KATNBL1: variants seen among roughly 807,000 people sequenced by gnomAD.
KATNBL1 encodes KATNB1-like protein 1.
Under a neutral mutation model 44.7 loss-of-function variants are expected in KATNBL1, and 28 were observed. The observed-to-expected ratio is 0.63, with a 90% CI of 0.46 to 0.86. The LOEUF (loss-of-function observed/expected upper bound fraction) is 0.86, where lower values mean the gene tolerates loss of function less well. Ranked by LOEUF, KATNBL1 falls within the 40% of genes least tolerant of loss-of-function variation. The pLI is 0.00. For missense variants in KATNBL1, 272 were observed against 350.7 expected, an observed-to-expected ratio of 0.78 and a Z score of 1.79; for synonymous variants, 78 against 114.9, an observed-to-expected ratio of 0.68 and a Z score of 2.06.
chr15:34,156,481 A>C (rs1888642862), intron 2 of KATNBL1, among the ~76,000 whole-genome samples: 2 of 152,184 alleles, frequency 1.3e-5, no homozygotes, highest in Non-Finnish European at 2.9e-5. Context: ...GTGCGGATGA[A>C]ATATTTTATC....
chr15:34,157,985 A>G (rs1418678007), intron 2 of KATNBL1, among the ~76,000 whole-genome samples: 1 of 152,206 alleles, frequency 6.6e-6, no homozygotes, highest in Non-Finnish European at 1.5e-5. Context: ...CTACCCAATG[A>G]GTAAGGTGAT....
intron 1 of KATNBL1, among the ~76,000 whole-genome samples, chr15:34,191,383 A>T: frequency 6.6e-6 from 1 of 152,000 alleles, no homozygotes; most frequent in East Asian, 1.9e-4. Flanking sequence ...TATTATTAGT[A>T]AAATTACTGT....
chr15:34,199,156 C>T (rs376001541), intron 1 of KATNBL1, among the ~76,000 whole-genome samples: 1 of 152,046 alleles, frequency 6.6e-6, no homozygotes, highest in Non-Finnish European at 1.5e-5. Context: ...ACAGATTTAC[C>T]GGCCAGGCGC....
At chr15:34,145,005 C>T (rs1888266308) in intron 9 of KATNBL1, 2 of 854,492 alleles carry the variant, frequency 2.3e-6, no homozygotes, top group East Asian at 1.1e-4. Context: ...AAAAGCATAA[C>T]ATTAGCAAAA....
At chr15:34,145,190 T>C in intron 9 of KATNBL1, 1 of 1,364,818 alleles carries the variant, frequency 7.3e-7, no homozygotes, top group Non-Finnish European at 9.7e-7. Flanking sequence ...GGGCTGTACA[T>C]GAAACATGTT....
chr15:34,186,656 G>A (rs1372615711), intron 1 of KATNBL1, among the ~76,000 whole-genome samples: 2 of 152,194 alleles, frequency 1.3e-5, no homozygotes, highest in African/African-American at 4.8e-5. Context: ...ACCCTTGGGC[G>A]CCCCAGGAAG....
Position 34,142,354 on chromosome 15 carries a change from T to C in KATNBL1, c.900A>G (p.Leu300=), listed in dbSNP as rs778567927. 11 of 1,597,176 alleles carry C rather than the reference T, an allele frequency of 6.9e-6. No individual in the cohort carries two copies. The Admixed American group carries it at 1.4e-4, about 20-fold the overall frequency. ...GNIAKDVDAY[L]LQLH The stretch of plus-strand genomic sequence containing the variant: ...ATGAAATCTCTCAATGTAACTGTAA[T>C]AAATAAGCATCTACATCCTTAGAAG... Residue 300 remains leucine, a synonymous_variant, in exon 10 of 10, where the codon TTA becomes TTG. Coordinates refer to ENST00000256544, the MANE Select transcript of KATNBL1 (RefSeq NM_024713.3).
At chr15:34,202,817 C>T (rs1023961295) in intron 1 of KATNBL1, among the ~76,000 whole-genome samples, 2 of 152,044 alleles carry the variant, frequency 1.3e-5, no homozygotes, top group South Asian at 4.1e-4. Context: ...ACGGTGAAAA[C>T]CCATCTCTAC....
intron 1 of KATNBL1, among the ~76,000 whole-genome samples, chr15:34,190,236 G>A (rs1243907004): frequency 6.6e-6 from 1 of 152,118 alleles, no homozygotes; most frequent in African/African-American, 2.4e-5. Context: ...GAGCCACCGC[G>A]CCCGGCCTGG....
At chr15:34,152,656 G>A in intron 4 of KATNBL1, 134 bp downstream of exon 4, 1 of 665,054 alleles carries the variant, frequency 1.5e-6, no homozygotes, top group African/African-American at 1.8e-5. Flanking sequence ...TTGTCTCAGG[G>A]AGTTACTATG....
chr15:34,207,516 T>C (rs1314047358), intron 1 of KATNBL1, among the ~76,000 whole-genome samples: 1 of 152,102 alleles, frequency 6.6e-6, no homozygotes, highest in Non-Finnish European at 1.5e-5. Flanking sequence ...TTTTAAAATG[T>C]TTTGTAGAGA....
intron 1 of KATNBL1, among the ~76,000 whole-genome samples, chr15:34,166,543 C>T (rs1174219891): frequency 6.6e-6 from 1 of 152,224 alleles, no homozygotes; most frequent in Admixed American, 6.5e-5. Flanking sequence ...GAAACTTCTG[C>T]AGACTTAAAC....
chr15:34,150,622 T>C (rs1252519243), intron 4 of KATNBL1, among the ~76,000 whole-genome samples: 2 of 152,162 alleles, frequency 1.3e-5, no homozygotes, highest in South Asian at 4.1e-4. Context: ...CAAACTTATT[T>C]TATGTTCAGG....
At position 34,167,853 on chromosome 15, in the gene KATNBL1, A is replaced by G. The variant is rs184714847; in HGVS notation, c.-14-4163T>C. Among the ~76,000 whole-genome samples the G allele has an allele frequency of 5.3e-3, 812 of 152,322 alleles. 2 individuals are homozygous for G. Among genetic ancestry groups the G allele is most frequent in the African/African-American group, 0.019 (781 of 41,566 alleles). ...CAGCCAAACTAAGCTTCATAAGTGA[A>G]GGAGAAATAAAATCCTTTACAGACA... On this transcript the variant is annotated intron_variant, in intron 1 of 9. Transcript: ENST00000256544.
At chr15:34,171,250 A>G (rs139433767) in intron 1 of KATNBL1, among the ~76,000 whole-genome samples, 1 of 152,338 alleles carries the variant, frequency 6.6e-6, no homozygotes, top group Admixed American at 6.5e-5. Flanking sequence ...AAAAAAACAA[A>G]CAACCCAATC....
At chr15:34,171,895 T>C (rs1222313690) in intron 1 of KATNBL1, among the ~76,000 whole-genome samples, 2 of 141,498 alleles carry the variant, frequency 1.4e-5, no homozygotes, top group African/African-American at 2.6e-5. Context: ...ATGAGAACAC[T>C]TGGACACAGG....
intron 1 of KATNBL1, chr15:34,177,946 G>C (rs1889385320): frequency 6.6e-6 from 1 of 152,162 alleles, no homozygotes; most frequent in Non-Finnish European, 1.5e-5. Context: ...CTATGGCAAA[G>C]GGTATGTGTA....
chr15:34,180,811 C>T (rs894119649), intron 1 of KATNBL1, among the ~76,000 whole-genome samples: 3 of 152,046 alleles, frequency 2.0e-5, no homozygotes, highest in Admixed American at 2.0e-4. Context: ...ACCTGTAATC[C>T]CAGCACTTTG....
intron 1 of KATNBL1, among the ~76,000 whole-genome samples, chr15:34,184,255 G>C (rs1317600237): frequency 2.0e-5 from 3 of 151,108 alleles, no homozygotes; most frequent in Admixed American, 2.0e-4. Context: ...GCAGTGAGCC[G>C]AGATCGCGCC....
Sources: allele counts gnomAD v4.1 joint callset (sites outside exome capture counted in the v4.1 genomes callset), GRCh38; gene constraint gnomAD v4.1.1; transcripts MANE v1.5; gene names NCBI Gene and HGNC (gene_info 2026-07-23, HGNC 2026-07-21).